Variants in MCTP1 observed in about 807,000 individuals in gnomAD.
The protein encoded by MCTP1 is multiple C2 and transmembrane domain-containing protein 1.
A neutral mutation model predicts 120.6 loss-of-function variants in MCTP1; 69 were observed. The observed-to-expected ratio is 0.57, with a 90% confidence interval of 0.47 to 0.70. The LOEUF is 0.70. MCTP1 is among the 30% of genes least tolerant of loss of function. MCTP1 has a pLI of 0.00. For synonymous variants in MCTP1, 529 were observed against 493.1 expected, an observed-to-expected ratio of 1.07 and a Z score of -0.96; for missense variants, 1,203 against 1,248.8, an observed-to-expected ratio of 0.96 and a Z score of 0.55.
chr5:95,193,771 C>T (rs1422100418), intron 1 of MCTP1, among the ~76,000 whole-genome samples: 2 of 152,184 alleles, frequency 1.3e-5, no homozygotes, highest in East Asian at 3.8e-4. Flanking sequence ...ATGGATATCA[C>T]AGGAGTGGTG....
chr5:95,051,785 A>AC (rs1393270265), intron 1 of MCTP1, among the ~76,000 whole-genome samples: 4 of 152,174 alleles, frequency 2.6e-5, no homozygotes, highest in African/African-American at 9.7e-5. Context: ...TAATACAGGA[A>AC]CAAAAAAACA....
intron 1 of MCTP1, among the ~76,000 whole-genome samples, chr5:95,226,871 C>A (rs1472233010): frequency 6.6e-6 from 1 of 151,908 alleles, no homozygotes; most frequent in African/African-American, 2.4e-5. Context: ...AGAAAGAACC[C>A]TTCATTTCCT....
chr5:95,123,175 T>G (rs1758364156), intron 1 of MCTP1, among the ~76,000 whole-genome samples: 1 of 152,228 alleles, frequency 6.6e-6, no homozygotes, highest in Admixed American at 6.5e-5. Flanking sequence ...ATACCCCATT[T>G]ACCCTGATAT....
In MCTP1 at chr5:94,786,266, C is replaced by A. The variant is rs376877439; in HGVS notation, c.2557-7103G>T. Among the ~76,000 whole-genome samples, 32 of 152,092 alleles carry A rather than the reference C, an allele frequency of 2.1e-4. No individual in the cohort carries two copies. In the South Asian group the frequency reaches 6.6e-3, roughly 32 times the overall value. On this transcript the variant is annotated intron_variant, in intron 18 of 22. Coordinates refer to ENST00000515393, the MANE Select transcript of MCTP1 (RefSeq NM_024717.7). The stretch of plus-strand genomic sequence containing the variant: ...CTAATTTGAGTTTTCTTTTTCTTTT[C>A]TTTTCCATCTAGAACATTTTGAGGC...
intron 1 of MCTP1, among the ~76,000 whole-genome samples, chr5:95,050,714 T>C: frequency 6.6e-6 from 1 of 152,210 alleles, no homozygotes; most frequent in East Asian, 1.9e-4. Context: ...TTGGCAGAGA[T>C]GCTTTGCTAT....
intron 2 of MCTP1, among the ~76,000 whole-genome samples, chr5:94,999,484 G>A (rs1219949480): frequency 6.6e-6 from 1 of 152,110 alleles, no homozygotes; most frequent in Non-Finnish European, 1.5e-5. Context: ...TGAAGAAAAT[G>A]GGATGTGTAT....
chr5:95,277,570 C>T (rs78013065), intron 1 of MCTP1, among the ~76,000 whole-genome samples: 1 of 152,168 alleles, frequency 6.6e-6, no homozygotes, highest in African/African-American at 2.4e-5. Flanking sequence ...GTAGTCTTCC[C>T]CTGAACTGTT....
chr5:95,201,785 G>C (rs1180541369), intron 1 of MCTP1, among the ~76,000 whole-genome samples: 1 of 151,924 alleles, frequency 6.6e-6, no homozygotes, highest in East Asian at 1.9e-4. Context: ...GATTACAGGC[G>C]TGAGCCACTG....
At chr5:95,008,633 T>C (rs1382513792) in intron 2 of MCTP1, among the ~76,000 whole-genome samples, 2 of 152,304 alleles carry the variant, frequency 1.3e-5, no homozygotes. Context: ...ACTATGAACA[T>C]AACCTTACTT....
At chr5:94,802,177 G>C (rs1781363032) in intron 17 of MCTP1, among the ~76,000 whole-genome samples, 1 of 152,102 alleles carries the variant, frequency 6.6e-6, no homozygotes, top group African/African-American at 2.4e-5. Flanking sequence ...TGAGTGAGGA[G>C]CTCCTACTAT....
intron 19 of MCTP1, among the ~76,000 whole-genome samples, chr5:94,763,366 T>C (rs1197920533): frequency 6.6e-6 from 1 of 152,218 alleles, no homozygotes; most frequent in Non-Finnish European, 1.5e-5. Flanking sequence ...TCTAGTGTCA[T>C]TTCCCTCGAC....
intron 1 of MCTP1, among the ~76,000 whole-genome samples, chr5:95,237,750 C>G (rs1378407374): frequency 6.6e-6 from 1 of 152,112 alleles, no homozygotes; most frequent in African/African-American, 2.4e-5. Flanking sequence ...AATTCATTTT[C>G]GTGATCCCAG....
chr5:95,188,104 G>A (rs1161515245), intron 1 of MCTP1, among the ~76,000 whole-genome samples: 1 of 151,954 alleles, frequency 6.6e-6, no homozygotes, highest in Admixed American at 6.6e-5. Flanking sequence ...CAAAAGACAT[G>A]GAAAAGATAT....
At chr5:95,137,943 A>G (rs1028137160) in intron 1 of MCTP1, among the ~76,000 whole-genome samples, 1 of 152,240 alleles carries the variant, frequency 6.6e-6, no homozygotes, top group Non-Finnish European at 1.5e-5. Flanking sequence ...ACTATTGAAT[A>G]GTATGACTAT....
chr5:95,282,890 A>G (rs555099851), intron 1 of MCTP1, among the ~76,000 whole-genome samples: 1 of 152,376 alleles, frequency 6.6e-6, no homozygotes, highest in African/African-American at 2.4e-5. Context: ...ACTAATAACT[A>G]AAGTTTTAAT....
rs114100455 is a variant in MCTP1, at chr5:95,129,302, G to A, written c.721-111818C>T. Among the ~76,000 whole-genome samples the A allele has an allele frequency of 4.6e-3, 707 of 152,256 alleles. 4 individuals are homozygous for A. Among genetic ancestry groups the A allele is most frequent in the African/African-American group, 0.016 (671 of 41,548 alleles). Reference sequence around the variant, plus strand: ...GTTTTATCAATTTTGTCAAGTGCACGGGATAAATGTAACTCAGAAAACTAT... The same window carrying A: ...GTTTTATCAATTTTGTCAAGTGCACAGGATAAATGTAACTCAGAAAACTAT... On this transcript the variant is annotated intron_variant, in intron 1 of 22. Transcript: ENST00000515393.
intron 1 of MCTP1, among the ~76,000 whole-genome samples, chr5:95,089,557 G>A (rs1755689959): frequency 6.6e-6 from 1 of 152,148 alleles, no homozygotes. Context: ...TAAATGTGAA[G>A]CGAAGTTTTC....
intron 1 of MCTP1, among the ~76,000 whole-genome samples, chr5:95,043,121 G>C (rs185414292): frequency 5.3e-5 from 8 of 152,240 alleles, no homozygotes; most frequent in African/African-American, 1.7e-4. Flanking sequence ...CAGTGAGTGA[G>C]TTTCCCATAC....
At chr5:95,154,843 G>A (rs551532684) in intron 1 of MCTP1, among the ~76,000 whole-genome samples, 2 of 152,100 alleles carry the variant, frequency 1.3e-5, no homozygotes, top group African/African-American at 2.4e-5. Flanking sequence ...GATAAATTTT[G>A]TGATAATTTT....
Sources: gnomAD v4.1 joint callset for allele counts (sites outside exome capture counted in the v4.1 genomes callset) on GRCh38, gnomAD v4.1.1 for gene constraint, MANE v1.5 for transcripts, NCBI Gene and HGNC (gene_info 2026-07-23, HGNC 2026-07-21) for gene names.